The following ASIC2 variants were observed in gnomAD, a reference collection of about 807,000 sequenced individuals.
The protein encoded by ASIC2 is acid sensing ion channel subunit 2.
A neutral mutation model predicts 57.3 loss-of-function variants in ASIC2; 25 were observed. The ratio of observed to expected loss-of-function variants is 0.44; its 90% CI spans 0.32 to 0.61. The LOEUF is 0.61. Ranked by LOEUF, ASIC2 falls within the 20% of genes least tolerant of loss-of-function variation. The pLI, the probability that ASIC2 is intolerant of heterozygous loss-of-function variation, is 0.06. For missense variants in ASIC2, 641 were observed against 738.1 expected, an observed-to-expected ratio of 0.87 and a Z score of 1.52; for synonymous variants, 319 against 307.5, an observed-to-expected ratio of 1.04 and a Z score of -0.39.
At chr17:33,373,083 A>C (rs1168189779) in intron 1 of ASIC2, among the ~76,000 whole-genome samples, 2 of 152,212 alleles carry the variant, frequency 1.3e-5, no homozygotes, top group Non-Finnish European at 2.9e-5. Flanking sequence ...TTCAAGGCAG[A>C]GCTAAGGAAT....
At chr17:33,186,783 C>T (rs558510244) in intron 1 of ASIC2, among the ~76,000 whole-genome samples, 2 of 152,230 alleles carry the variant, frequency 1.3e-5, no homozygotes, top group South Asian at 2.1e-4. Flanking sequence ...ATTCTATGGT[C>T]GTTTGGCATT....
At chr17:34,111,479 A>G (rs139558308) in intron 1 of ASIC2, among the ~76,000 whole-genome samples, 4 of 152,182 alleles carry the variant, frequency 2.6e-5, no homozygotes, top group African/African-American at 9.6e-5. Flanking sequence ...AAGTATATGC[A>G]CTCTGACATT....
chr17:34,145,771 G>A (rs570882428), intron 1 of ASIC2, among the ~76,000 whole-genome samples: 45 of 152,236 alleles, frequency 3.0e-4, no homozygotes, highest in East Asian at 1.4e-3. Flanking sequence ...CTCATCGCTC[G>A]TGGTTTCTGT....
At chr17:33,168,358 A>C (rs2142046078) in intron 1 of ASIC2, among the ~76,000 whole-genome samples, 1 of 152,348 alleles carries the variant, frequency 6.6e-6, no homozygotes, top group Non-Finnish European at 1.5e-5. Context: ...AATTTGGAAA[A>C]GCAGGCAGAA....
rs945033423 is a variant in ASIC2 at position 34,111,560 on chromosome 17, G to A, written c.555+44418C>T. Reference sequence around the variant, plus strand: ...TGCCTATCTATTCTGAGCTAGGCACGTTATTCTGCTGCTAATTCTGCAAGT... The same window carrying A: ...TGCCTATCTATTCTGAGCTAGGCACATTATTCTGCTGCTAATTCTGCAAGT... On this transcript the variant is annotated intron_variant, in intron 1 of 9. Coordinates refer to the ASIC2 transcript ENST00000359872. 5.3e-5 allele frequency among the ~76,000 whole-genome samples: 8 copies of A among 152,056 alleles called. No individual in the cohort carries two copies. The East Asian group carries it at 7.7e-4, about 15-fold the overall frequency.
chr17:34,118,361 CTTTAT>C (rs1911491388), intron 1 of ASIC2: 1 of 151,980 alleles, frequency 6.6e-6, no homozygotes, highest in African/African-American at 2.4e-5. Context: ...TTTTCTTTTT[CTTTAT>C]TTTCTTTCAT....
intron 1 of ASIC2, among the ~76,000 whole-genome samples, chr17:33,504,584 C>G (rs1033335866): frequency 6.6e-6 from 1 of 152,210 alleles, no homozygotes; most frequent in African/African-American, 2.4e-5. Context: ...AGGTGATCAG[C>G]CTGTCTTGGC....
chr17:33,602,848 T>G (rs957446180), intron 1 of ASIC2, among the ~76,000 whole-genome samples: 5 of 152,228 alleles, frequency 3.3e-5, no homozygotes, highest in African/African-American at 1.2e-4. Context: ...AGCTGTGGAA[T>G]GAAGTTCAAC....
intron 1 of ASIC2, among the ~76,000 whole-genome samples, chr17:33,764,541 G>A (rs1047757386): frequency 7.6e-6 from 1 of 130,902 alleles, no homozygotes; most frequent in African/African-American, 2.5e-5. Context: ...TCTTGCTGAT[G>A]AGGACTCTGT....
chr17:33,875,884 G>A (rs1489675790), intron 1 of ASIC2, among the ~76,000 whole-genome samples: 1 of 151,794 alleles, frequency 6.6e-6, no homozygotes. Context: ...ACTCAATGGA[G>A]GTCTCTGAAT....
Position 33,787,580 on chromosome 17 carries a change from A to C in ASIC2, c.555+368398T>G, listed in dbSNP as rs578157557. On this transcript the variant is annotated intron_variant, in intron 1 of 9. Transcript: ENST00000359872. ...TCATGTTCTCTAACAGGTGCCAAGGAATGAAAGAAAAATTGAGCAAAGGTG... is the reference window on the plus strand; with the variant it reads ...TCATGTTCTCTAACAGGTGCCAAGGCATGAAAGAAAAATTGAGCAAAGGTG... Among the ~76,000 whole-genome samples, 15 of 152,306 alleles carry C rather than the reference A, an allele frequency of 9.8e-5. No homozygotes were observed. The East Asian group carries it at 2.9e-3, about 29-fold the overall frequency.
intron 1 of ASIC2, among the ~76,000 whole-genome samples, chr17:33,345,418 T>C (rs1907905223): frequency 6.6e-6 from 1 of 152,048 alleles, no homozygotes; most frequent in South Asian, 2.1e-4. Context: ...AAGAAAAATG[T>C]GAATGGAAAA....
chr17:33,620,069 T>C (rs1419966116), intron 1 of ASIC2, among the ~76,000 whole-genome samples: 1 of 152,092 alleles, frequency 6.6e-6, no homozygotes, highest in East Asian at 1.9e-4. Flanking sequence ...GAAAATAATA[T>C]TCTTCTGATC....
At chr17:33,126,197 A>G (rs2092322400) in intron 1 of ASIC2, among the ~76,000 whole-genome samples, 1 of 152,222 alleles carries the variant, frequency 6.6e-6, no homozygotes, top group South Asian at 2.1e-4. Context: ...CGTGAAGTGC[A>G]AGCAGGAAGA....
chr17:33,759,049 G>A (rs1378495594), intron 1 of ASIC2, among the ~76,000 whole-genome samples: 1 of 152,166 alleles, frequency 6.6e-6, no homozygotes, highest in Admixed American at 6.5e-5. Flanking sequence ...CCTAGTGAGG[G>A]CTTAAAAGAC....
chr17:33,326,344 A>G (rs72819198), intron 1 of ASIC2, among the ~76,000 whole-genome samples: 2 of 152,246 alleles, frequency 1.3e-5, no homozygotes, highest in African/African-American at 4.8e-5. Flanking sequence ...CTCTGTGACC[A>G]CCAGTTCACG....
intron 2 of ASIC2, 130 bp from the exon 3 acceptor site, chr17:33,089,120 C>A (rs1376093893): frequency 8.2e-7 from 1 of 1,216,852 alleles, no homozygotes; most frequent in African/African-American, 1.5e-5. Flanking sequence ...CCAAAGGTGT[C>A]CACATCCCCA....
At chr17:33,648,041 T>C (rs2142037504) in intron 1 of ASIC2, among the ~76,000 whole-genome samples, 1 of 152,316 alleles carries the variant, frequency 6.6e-6, no homozygotes, top group South Asian at 2.1e-4. Context: ...ACGGTCCCCA[T>C]CATGAATCAC....
chr17:33,846,369 C>T (rs911050758), intron 1 of ASIC2, among the ~76,000 whole-genome samples: 2 of 152,122 alleles, frequency 1.3e-5, no homozygotes, highest in Non-Finnish European at 2.9e-5. Context: ...CTTCACCTGC[C>T]CAGTTCTGCT....
Sources: allele counts gnomAD v4.1 joint callset (sites outside exome capture counted in the v4.1 genomes callset), GRCh38; gene constraint gnomAD v4.1.1; transcripts MANE v1.5; gene names NCBI Gene and HGNC (gene_info 2026-07-23, HGNC 2026-07-21).